PCDHA6: variants seen among roughly 807,000 people sequenced by gnomAD.
PCDHA6 encodes the protein protocadherin alpha-6.
In PCDHA6, 55 loss-of-function variants were observed where a neutral mutation model predicts 60.3. That is an observed-to-expected ratio of 0.91 (90% CI 0.73 to 1.14). PCDHA6 has a LOEUF of 1.14. Among genes scored for constraint, PCDHA6 ranks in the 50% most tolerant of loss-of-function variants. The probability of loss-of-function intolerance (pLI) is 0.00; values close to 1 mark genes in which losing one functional copy is unlikely to be tolerated. For missense variants in PCDHA6, 1,327 were observed against 1,256.5 expected, an observed-to-expected ratio of 1.06 and a Z score of -0.85; for synonymous variants, 652 against 557.9, an observed-to-expected ratio of 1.17 and a Z score of -2.38.
chr5:141,006,931 G>A (rs1268492539), intron 3 of PCDHA6, among the ~76,000 whole-genome samples: 1 of 152,158 alleles, frequency 6.6e-6, no homozygotes, highest in African/African-American at 2.4e-5. Flanking sequence ...ATTTCCAACT[G>A]GGGATACCAG....
intron 1 of PCDHA6, among the ~76,000 whole-genome samples, chr5:140,970,923 C>T (rs1009753173): frequency 1.3e-5 from 2 of 152,032 alleles, no homozygotes; most frequent in African/African-American, 4.8e-5. Flanking sequence ...ATCAGAAGTG[C>T]CTGGTGTTAG....
At chr5:141,004,367 T>C (rs1281168288) in intron 3 of PCDHA6, among the ~76,000 whole-genome samples, 5 of 152,198 alleles carry the variant, frequency 3.3e-5, no homozygotes, top group Non-Finnish European at 5.9e-5. Context: ...CCACACCTTG[T>C]TCTGCTCTGC....
chr5:141,004,880 G>A (rs940142127), intron 3 of PCDHA6, among the ~76,000 whole-genome samples: 2 of 152,172 alleles, frequency 1.3e-5, no homozygotes, highest in Admixed American at 6.5e-5. Context: ...TCCCTAAAGT[G>A]CTATTGTGTC....
At chr5:140,862,842 G>T (rs1554157108) in intron 1 of PCDHA6, 2 of 572,864 alleles carry the variant, frequency 3.5e-6, no homozygotes, top group Middle Eastern at 3.7e-4. Context: ...CGGGCATGCC[G>T]CCTCTGAGCA....
At chr5:140,835,626 C>A (rs782043218) in intron 1 of PCDHA6, 2 of 1,613,880 alleles carry the variant, frequency 1.2e-6, no homozygotes. Context: ...CGCTCTGGAC[C>A]GCGAGAGTGT....
intron 3 of PCDHA6, among the ~76,000 whole-genome samples, chr5:141,009,392 G>A (rs1016452113): frequency 2.6e-5 from 4 of 152,184 alleles, no homozygotes; most frequent in Non-Finnish European, 4.4e-5. Flanking sequence ...ACAGGAGGTC[G>A]AGGCTGCAGT....
chr5:140,833,056 T>C (rs2150205806), intron 1 of PCDHA6, among the ~76,000 whole-genome samples: 1 of 152,172 alleles, frequency 6.6e-6, no homozygotes, highest in East Asian at 1.9e-4. Flanking sequence ...AAAAGTAATA[T>C]GAGAAAAACC....
In PCDHA6 at chr5:140,843,362, A is replaced by C. The variant is rs2150191261; in HGVS notation, c.2394+12877A>C. On this transcript the variant is annotated intron_variant, in intron 1 of 3. Transcript: ENST00000529310. ...CGGCCAGGCTCCAAAAGCGTCATCG[A>C]GGCAGTCGGCTGGCGTTTTGGGTCC... 3 of 1,595,998 alleles carry C rather than the reference A, an allele frequency of 1.9e-6. No homozygotes were observed. The East Asian group carries it at 6.7e-5, about 36-fold the overall frequency.
chr5:140,910,257 A>G (rs1428252762), intron 1 of PCDHA6, among the ~76,000 whole-genome samples: 1 of 152,202 alleles, frequency 6.6e-6, no homozygotes, highest in East Asian at 1.9e-4. Flanking sequence ...TAGGCTTCCT[A>G]TCATTTTCAC....
intron 3 of PCDHA6, among the ~76,000 whole-genome samples, chr5:140,989,495 A>G (rs1408191575): frequency 6.6e-6 from 1 of 152,136 alleles, no homozygotes; most frequent in African/African-American, 2.4e-5. Context: ...AACAAGAAAG[A>G]CCTGCTTATA....
intron 1 of PCDHA6, among the ~76,000 whole-genome samples, chr5:140,899,732 T>C (rs1174883648): frequency 6.6e-6 from 1 of 152,222 alleles, no homozygotes; most frequent in Non-Finnish European, 1.5e-5. Context: ...TTTCTATTGA[T>C]TGGAATAGTT....
intron 3 of PCDHA6, 162 bp downstream of exon 3, chr5:140,982,725 A>G (rs2096999365): frequency 1.1e-6 from 1 of 902,882 alleles, no homozygotes; most frequent in African/African-American, 1.8e-5. Flanking sequence ...GATTATTTTG[A>G]TTTTATACCT....
intron 1 of PCDHA6, chr5:140,835,998 G>T (rs2150249955): frequency 1.2e-6 from 2 of 1,613,382 alleles, no homozygotes; most frequent in Non-Finnish European, 1.7e-6. Flanking sequence ...GAGCGCGCGC[G>T]ATGCGGGCGT....
chr5:140,928,043 C>G (rs1554205400), intron 1 of PCDHA6: 2 of 1,614,192 alleles, frequency 1.2e-6, no homozygotes, highest in Non-Finnish European at 1.7e-6. Context: ...AGTGCAGGCC[C>G]TTTTCAGCTG....
In PCDHA6 at chr5:140,835,819, CG is replaced by C. The variant is rs2150245755; in HGVS notation, c.2394+5339del. On this transcript the variant is annotated intron_variant, in intron 1 of 3. Transcript: ENST00000529310. The stretch of plus-strand genomic sequence containing the variant: ...GGCTGCCACATCTTCACTGTGTCGG[CG>C]GGGGACGCGGACGCGCAGAAGAACG... The C allele has an allele frequency of 7.4e-6, 12 of 1,612,672 alleles. No homozygotes were observed. In the South Asian group the frequency reaches 1.2e-4, roughly 16 times the overall value.
chr5:140,889,814 CATA>C (rs1463937516), intron 1 of PCDHA6, among the ~76,000 whole-genome samples: 6 of 152,048 alleles, frequency 3.9e-5, no homozygotes, highest in Non-Finnish European at 7.4e-5. Context: ...GAAGTCAGGT[CATA>C]AGAAGTCTTA....
chr5:140,859,671 C>T (rs2045960419), intron 1 of PCDHA6: 1 of 153,888 alleles, frequency 6.5e-6, no homozygotes, highest in Non-Finnish European at 1.4e-5. Context: ...CAAATAGCTT[C>T]AAATAAAATT....
intron 1 of PCDHA6, among the ~76,000 whole-genome samples, chr5:140,905,837 G>A (rs1433117944): frequency 1.3e-5 from 2 of 152,148 alleles, no homozygotes; most frequent in African/African-American, 2.4e-5. Context: ...ATAAAGGGGA[G>A]TTTATTAAGG....
intron 3 of PCDHA6, among the ~76,000 whole-genome samples, chr5:140,986,669 G>C (rs1448376850): frequency 6.6e-6 from 1 of 152,138 alleles, no homozygotes; most frequent in African/African-American, 2.4e-5. Flanking sequence ...ACAGTTTTCA[G>C]AAGAGTTCAG....
Sources: gnomAD v4.1 joint callset for allele counts (sites outside exome capture counted in the v4.1 genomes callset) on GRCh38, gnomAD v4.1.1 for gene constraint, MANE v1.5 for transcripts, NCBI Gene and HGNC (gene_info 2026-07-23, HGNC 2026-07-21) for gene names.